Variants in NBEA observed in about 807,000 individuals in gnomAD.
NBEA encodes lysosomal-trafficking regulator 2.
In NBEA, 44 loss-of-function variants were observed where a neutral mutation model predicts 343.4. That is an observed-to-expected ratio of 0.13 (90% CI 0.10 to 0.16). The LOEUF (loss-of-function observed/expected upper bound fraction) is 0.16. Among genes scored for constraint, NBEA ranks in the 10% least tolerant of loss-of-function variants. NBEA has a pLI of 1.00. For synonymous variants in NBEA, 1,175 were observed against 1,238.7 expected (o/e 0.95, Z 1.08); for missense variants, 2,555 against 3,631.3 (o/e 0.70, Z 7.62).
intron 35 of NBEA, among the ~76,000 whole-genome samples, chr13:35,300,765 T>C: frequency 6.6e-6 from 1 of 152,202 alleles, no homozygotes. Context: ...GAGTCAGGCC[T>C]AAAAATTCAT....
At chr13:35,070,185 T>C (rs2063811051) in intron 9 of NBEA, 80 bp downstream of exon 9, 2 of 1,276,264 alleles carry the variant, frequency 1.6e-6, no homozygotes. Flanking sequence ...ACATTGCTCA[T>C]CTATAAATCT....
chr13:35,653,157 C>T (rs1272151068), intron 53 of NBEA, among the ~76,000 whole-genome samples: 1 of 152,072 alleles, frequency 6.6e-6, no homozygotes, highest in African/African-American at 2.4e-5. Context: ...CCAGAGCTAG[C>T]ATCTTAGTCT....
At chr13:35,469,256 CT>C (rs1024232591) in intron 40 of NBEA, among the ~76,000 whole-genome samples, 1 of 151,814 alleles carries the variant, frequency 6.6e-6, no homozygotes, top group African/African-American at 2.4e-5. Context: ...TAAATTGTTT[CT>C]TTTTTAATAT....
intron 33 of NBEA, among the ~76,000 whole-genome samples, chr13:35,221,010 G>C (rs949727846): frequency 1.3e-5 from 2 of 152,036 alleles, no homozygotes; most frequent in Middle Eastern, 3.4e-3. Flanking sequence ...TTAATTTCAA[G>C]TTTTATAAGT....
chr13:35,377,379 AC>A (rs1164238685), intron 38 of NBEA, among the ~76,000 whole-genome samples: 1 of 152,190 alleles, frequency 6.6e-6, no homozygotes, highest in Admixed American at 6.5e-5. Flanking sequence ...TTTAGGTTGA[AC>A]TGTTGAGGCT....
intron 36 of NBEA, among the ~76,000 whole-genome samples, chr13:35,310,542 C>T (rs937952595): frequency 1.6e-4 from 24 of 152,174 alleles, no homozygotes; most frequent in African/African-American, 5.8e-4. Context: ...AGTAAAATTA[C>T]ATTTGAACCC....
intron 10 of NBEA, among the ~76,000 whole-genome samples, chr13:35,083,106 G>A (rs1191729710): frequency 6.6e-6 from 1 of 152,154 alleles, no homozygotes; most frequent in Non-Finnish European, 1.5e-5. Context: ...TAAGATGTAA[G>A]GAAGGGATCC....
chr13:35,244,046 A>T (rs1184054374), intron 34 of NBEA, among the ~76,000 whole-genome samples: 1 of 151,922 alleles, frequency 6.6e-6, no homozygotes, highest in Admixed American at 6.6e-5. Context: ...TCATTAAACA[A>T]GTCTTAATAC....
At chr13:35,469,074 T>C (rs1175947591) in intron 40 of NBEA, among the ~76,000 whole-genome samples, 4 of 114,316 alleles carry the variant, frequency 3.5e-5, no homozygotes, top group Non-Finnish European at 6.5e-5. Flanking sequence ...CACTCCAGCC[T>C]GGGTGACAGA....
Position 35,196,141 on chromosome 13 carries a change from T to C in NBEA, c.5205T>C (p.Ile1735=), listed in dbSNP as rs758849055. ...TLKPATSISS[I]SQTKGINVKE... Reference sequence around the variant, plus strand: ...AGCCTGCAACATCCATATCTAGCATTAGTCAAACCAAAGGCATCAATGTGA... The same window carrying C: ...AGCCTGCAACATCCATATCTAGCATCAGTCAAACCAAAGGCATCAATGTGA... The change falls in exon 31 of 59, where the codon ATT becomes ATC. Residue 1735 remains isoleucine, a synonymous_variant. Transcript: ENST00000379939. The C allele has an allele frequency of 6.2e-7, 1 of 1,613,702 alleles. No individual in the cohort carries two copies. Among genetic ancestry groups the C allele is most frequent in the Non-Finnish European group, 8.5e-7 (1 of 1,179,754 alleles).
chr13:35,042,744 A>G (rs1466670474), intron 2 of NBEA, among the ~76,000 whole-genome samples: 1 of 151,792 alleles, frequency 6.6e-6, no homozygotes, highest in Non-Finnish European at 1.5e-5. Flanking sequence ...GAGCTTGATG[A>G]TGGAAGGATA....
chr13:35,258,406 C>T (rs535754171), intron 34 of NBEA, among the ~76,000 whole-genome samples: 2 of 151,936 alleles, frequency 1.3e-5, no homozygotes, highest in Non-Finnish European at 2.9e-5. Flanking sequence ...CCTCATGATC[C>T]GCCTGCCTCA....
chr13:35,295,187 A>G (rs940989766), intron 35 of NBEA, among the ~76,000 whole-genome samples: 2 of 149,684 alleles, frequency 1.3e-5, no homozygotes, highest in African/African-American at 4.9e-5. Context: ...GGTATTATCC[A>G]TTTCCAGGCA....
chr13:35,472,724 G>T (rs1414289447), intron 41 of NBEA, among the ~76,000 whole-genome samples, 188 bp downstream of exon 41: 1 of 152,186 alleles, frequency 6.6e-6, no homozygotes, highest in East Asian at 1.9e-4. Flanking sequence ...TTTAAATCCT[G>T]TATTACCAGA....
At chr13:35,200,741 AT>A (rs2072964313) in intron 31 of NBEA, among the ~76,000 whole-genome samples, 1 of 151,920 alleles carries the variant, frequency 6.6e-6, no homozygotes, top group Non-Finnish European at 1.5e-5. Context: ...AGAAAAATCT[AT>A]TTTGTAAATA....
Position 35,054,372 on chromosome 13 carries a change from T to C in NBEA, c.973-1638T>C, listed in dbSNP as rs113516026. Among the ~76,000 whole-genome samples, 1,344 of 152,218 alleles carry C rather than the reference T, an allele frequency of 8.8e-3. 21 individuals carry two copies. Among genetic ancestry groups the C allele is most frequent in the African/African-American group, 0.03 (1,265 of 41,550 alleles). ...GTTTTTTCTTGATAATTTTGTAATA[T>C]TTAGAAACAATTGTTAAATGAATAC... On this transcript the variant is annotated intron_variant, in intron 6 of 58. Transcript: ENST00000379939.
At chr13:35,017,627 A>G (rs1481335658) in intron 1 of NBEA, among the ~76,000 whole-genome samples, 1 of 152,102 alleles carries the variant, frequency 6.6e-6, no homozygotes, top group Non-Finnish European at 1.5e-5. Context: ...AATATCTGTT[A>G]AGATCATTTG....
intron 38 of NBEA, among the ~76,000 whole-genome samples, chr13:35,399,048 T>A (rs1176253496): frequency 2.0e-5 from 3 of 152,178 alleles, no homozygotes; most frequent in Admixed American, 2.0e-4. Context: ...GCTGCTTTGC[T>A]TCATCTTGCA....
intron 38 of NBEA, among the ~76,000 whole-genome samples, chr13:35,410,268 A>G (rs1316401589): frequency 4.2e-5 from 6 of 141,800 alleles, no homozygotes; most frequent in Admixed American, 1.4e-4. Context: ...ACATTGAACT[A>G]AAAACTAGGA....
Sources: allele counts gnomAD v4.1 joint callset (sites outside exome capture counted in the v4.1 genomes callset), GRCh38; gene constraint gnomAD v4.1.1; transcripts MANE v1.5; gene names NCBI Gene and HGNC (gene_info 2026-07-23, HGNC 2026-07-21).